The following STARD5 variants were observed in gnomAD, a reference collection of about 807,000 sequenced individuals.
STARD5 encodes the protein StAR related lipid transfer domain containing 5.
STARD5 carries 26 observed loss-of-function variants against 24.6 expected under a neutral mutation model. The ratio of observed to expected loss-of-function variants is 1.06; its 90% CI spans 0.77 to 1.47. The LOEUF (loss-of-function observed/expected upper bound fraction) is 1.47. Ranked by LOEUF, STARD5 falls within the 40% of genes most tolerant of loss-of-function variation. The pLI, the probability that STARD5 is intolerant of heterozygous loss-of-function variation, is 0.00. For missense variants in STARD5, 254 were observed against 270.8 expected (o/e 0.94, Z 0.44); for synonymous variants, 101 against 99.7 (o/e 1.01, Z -0.07).
intron 3 of STARD5, among the ~76,000 whole-genome samples, chr15:81,320,812 G>C (rs1436721127): frequency 1.3e-5 from 2 of 152,040 alleles, no homozygotes; most frequent in Admixed American, 6.6e-5. Context: ...CTGAGGTACA[G>C]TGTCTGGAAA....
chr15:81,313,365 G>A lies in STARD5; in HGVS notation c.533C>T (p.Thr178Ile), dbSNP rs757972372. 7 of 1,578,984 alleles carry A rather than the reference G, an allele frequency of 4.4e-6. No individual in the cohort carries two copies. The highest frequency in any genetic ancestry group is 6.0e-6 in the Non-Finnish European group (7 of 1,162,416). ...TKTNLVTFFH[T>I]DLSGYLPQNV... The stretch of plus-strand genomic sequence containing the variant: ...CTGTGGGAGGTAACCGCTGAGGTCG[G>A]TATGGAAGAATGTGACCAGGTTGGT... The change falls in exon 6 of 6, where the codon ACC (threonine) becomes ATC (isoleucine). Residue 178 changes from threonine to isoleucine, a missense_variant. By Grantham distance (89) the Thr-to-Ile change is moderately conservative (BLOSUM62 -1). Coordinates refer to ENST00000302824, the MANE Select transcript of STARD5 (RefSeq NM_181900.3).
chr15:81,318,080 A>G (rs1003874064), intron 5 of STARD5, among the ~76,000 whole-genome samples: 2 of 152,144 alleles, frequency 1.3e-5, no homozygotes, highest in African/African-American at 4.8e-5. Flanking sequence ...TTGAGTCAGG[A>G]CACATCACTG....
At chr15:81,323,969 C>T in intron 1 of STARD5, 32 bp downstream of exon 1, 1 of 1,561,146 alleles carries the variant, frequency 6.4e-7, no homozygotes, top group Non-Finnish European at 8.7e-7. Context: ...AAGCCGTCTC[C>T]GCGACCCCTT....
chr15:81,309,675 T>C lies in STARD5; in HGVS notation c.*3581A>G, dbSNP rs895910292. ...GTGGTGGAGCCAGTAAACAGAGGAG[T>C]ACAGGTGAAGCACCAAGCTCAAAGC... On this transcript the variant is annotated 3_prime_UTR_variant, in exon 6 of 6. Transcript: ENST00000302824. The C allele has an allele frequency of 6.6e-6, 1 of 151,946 alleles. No homozygotes were observed. The highest frequency in any genetic ancestry group is 2.4e-5 in the African/African-American group (1 of 41,324). 9.4% of individuals were successfully genotyped at this position (151,946 alleles called of 1,614,324 possible). A position where few individuals can be genotyped will look rare whatever the true frequency, so the allele number is the denominator to read the frequency against.
chr15:81,322,801 G>C, intron 2 of STARD5, 98 bp downstream of exon 2: 2 of 1,498,542 alleles, frequency 1.3e-6, no homozygotes, highest in Non-Finnish European at 1.9e-6. Flanking sequence ...GTGATCACAG[G>C]TTATAGGGTT....
chr15:81,318,451 C>A lies in STARD5; in HGVS notation c.452G>T (p.Gly151Val), dbSNP rs202193917. The change falls in exon 5 of 6, where the codon GGA (glycine) becomes GTA (valine). Residue 151 changes from glycine to valine, a missense_variant. Physicochemically the swap from Gly to Val is moderately radical, Grantham distance 109. Coordinates refer to ENST00000302824, the MANE Select transcript of STARD5 (RefSeq NM_181900.3). ...LCPPKPGFVRGFNHPCGCFCE... is the reference protein window; with the variant it reads ...LCPPKPGFVRVFNHPCGCFCE... ...GAAGCAACCACAAGGATGGTTAAATCCTCTCACAAAACCTGGCTTCGGGGG... is the reference window on the plus strand; with the variant it reads ...GAAGCAACCACAAGGATGGTTAAATACTCTCACAAAACCTGGCTTCGGGGG... 6.2e-7 allele frequency: 1 copy of A among 1,614,124 alleles called. No homozygotes were observed. The highest frequency in any genetic ancestry group is 8.5e-7 in the Non-Finnish European group (1 of 1,180,024).
intron 3 of STARD5, among the ~76,000 whole-genome samples, chr15:81,320,334 G>A (rs746518944): frequency 6.6e-6 from 1 of 152,176 alleles, no homozygotes; most frequent in East Asian, 1.9e-4. Context: ...ATTAATCTTC[G>A]AATGGCATGA....
chr15:81,319,057 CCCA>C lies in STARD5; in HGVS notation c.400+279_400+281del, dbSNP rs544033232. ...CACAAGTTTTTTGCCACCCAACTAA[CCCA>C]CATGTGTACAGCACACACCATGAGC... On this transcript the variant is annotated intron_variant, in intron 4 of 5. Transcript: ENST00000302824. Among the ~76,000 whole-genome samples, 118 of 152,092 alleles carry C rather than the reference CCCA, an allele frequency of 7.8e-4. 2 individuals carry two copies. Among genetic ancestry groups the C allele is most frequent in the Admixed American group, 2.9e-3 (45 of 15,294 alleles).
chr15:81,315,233 C>G (rs1834900014), intron 5 of STARD5, among the ~76,000 whole-genome samples: 1 of 152,136 alleles, frequency 6.6e-6, no homozygotes, highest in Non-Finnish European at 1.5e-5. Flanking sequence ...CAGCAGCATC[C>G]TCTTTGGAAA....
chr15:81,315,598 C>T (rs562776743), intron 5 of STARD5, among the ~76,000 whole-genome samples: 1 of 152,214 alleles, frequency 6.6e-6, no homozygotes, highest in East Asian at 1.9e-4. Flanking sequence ...AATGCTGCCT[C>T]GACCACAGAT....
chr15:81,317,939 C>T (rs1487958647), intron 5 of STARD5, among the ~76,000 whole-genome samples: 2 of 152,160 alleles, frequency 1.3e-5, no homozygotes, highest in African/African-American at 4.8e-5. Flanking sequence ...CGCCACATTC[C>T]TTGCCGAGGA....
rs1286925093 is a variant in STARD5 at position 81,309,439 on chromosome 15, C to T, written c.*3817G>A. ...ATGAGCATCCCAGGATCGCAAGAGC[C>T]ATGTAGAAGCTGCATCTTGTTTATA... On this transcript the variant is annotated 3_prime_UTR_variant, in exon 6 of 6. Coordinates refer to ENST00000302824, the MANE Select transcript of STARD5 (RefSeq NM_181900.3). The T allele has an allele frequency of 6.5e-6, 1 of 152,782 alleles. No homozygotes were observed. Among genetic ancestry groups the T allele is most frequent in the Non-Finnish European group, 1.5e-5 (1 of 68,438 alleles). 9.5% of individuals were successfully genotyped at this position (152,782 alleles called of 1,614,324 possible). A position where few individuals can be genotyped will look rare whatever the true frequency, so the allele number is the denominator to read the frequency against.
At chr15:81,323,740 A>C in intron 1 of STARD5, 1 of 740,614 alleles carries the variant, frequency 1.4e-6, no homozygotes, top group Non-Finnish European at 2.3e-6. Flanking sequence ...TCCAGTCCTA[A>C]ACAGCATTCA....
At chr15:81,315,651 C>T (rs760550945) in intron 5 of STARD5, among the ~76,000 whole-genome samples, 7 of 152,104 alleles carry the variant, frequency 4.6e-5, no homozygotes, top group Non-Finnish European at 7.4e-5. Context: ...CCGCCCCCCG[C>T]GCCACTTGGA....
rs1352212670 is a variant in STARD5 at position 81,311,643 on chromosome 15, G to A, written c.*1613C>T. On this transcript the variant is annotated 3_prime_UTR_variant, in exon 6 of 6. Transcript: ENST00000302824. ...TGATAAGACCACCACCTCAGAGTAT[G>A]GAGCTCAGAGAGGGCAGGCATGAAG... 6.6e-6 allele frequency: 1 copy of A among 152,246 alleles called. No homozygotes were observed. The highest frequency in any genetic ancestry group is 2.4e-5 in the African/African-American group (1 of 41,448). 9.4% of individuals were successfully genotyped at this position (152,246 alleles called of 1,614,324 possible). A position where few individuals can be genotyped will look rare whatever the true frequency, so the allele number is the denominator to read the frequency against.
intron 3 of STARD5, among the ~76,000 whole-genome samples, chr15:81,319,665 C>T (rs1172354266): frequency 6.6e-6 from 1 of 152,184 alleles, no homozygotes; most frequent in Admixed American, 6.5e-5. Flanking sequence ...ACAGGCTGCC[C>T]ACAGCTGTCT....
chr15:81,317,838 C>A (rs756305717), intron 5 of STARD5, among the ~76,000 whole-genome samples: 42 of 152,176 alleles, frequency 2.8e-4, no homozygotes, highest in Non-Finnish European at 3.8e-4. Context: ...CTGGCCATGA[C>A]CTGTGGCAAA....
chr15:81,318,410 C>T lies in STARD5; in HGVS notation c.493G>A (p.Gly165Arg). 1.9e-6 allele frequency: 3 copies of T among 1,614,030 alleles called. No individual in the cohort carries two copies. In the South Asian group the frequency reaches 3.3e-5, roughly 18 times the overall value. Residue 165 changes from glycine (G) to arginine (R), a missense_variant and splice_region_variant, in exon 5 of 6, where the codon GGG becomes AGG. Coordinates refer to ENST00000302824, the MANE Select transcript of STARD5 (RefSeq NM_181900.3). The part of the protein sequence containing the change: ...PCGCFCEPLP[G>R]EPTKTNLVTF... ...CTCAATGCAGGAAATTATCCTTACC[C>T]TGGAAGAGGTTCACAGAAGCAACCA...
chr15:81,310,600 C>G lies in STARD5; in HGVS notation c.*2656G>C, dbSNP rs560921628. 86 of 152,308 alleles carry G rather than the reference C, an allele frequency of 5.6e-4. No homozygotes were observed. Among genetic ancestry groups the G allele is most frequent in the African/African-American group, 2.0e-3 (85 of 41,556 alleles). 9.4% of individuals were successfully genotyped at this position (152,308 alleles called of 1,614,324 possible). ...AAGACGTGATTCAATTCAACACTCC[C>G]TTCCCATGACCCAGGCTGGGCAAGG... On this transcript the variant is annotated 3_prime_UTR_variant, in exon 6 of 6. Transcript: ENST00000302824.
Sources: allele counts gnomAD v4.1 joint callset (sites outside exome capture counted in the v4.1 genomes callset), GRCh38; gene constraint gnomAD v4.1.1; transcripts MANE v1.5; gene names NCBI Gene and HGNC (gene_info 2026-07-23, HGNC 2026-07-21).